Variants in FREM3 observed in about 807,000 individuals in gnomAD.
The protein encoded by FREM3 is FRAS1 related extracellular matrix 3.
A neutral mutation model predicts 129.1 loss-of-function variants in FREM3; 105 were observed. That is an observed-to-expected ratio of 0.81 (90% CI 0.69 to 0.96). The LOEUF (loss-of-function observed/expected upper bound fraction) is 0.96. FREM3 is among the 40% of genes least tolerant of loss of function. The pLI is 0.00. For missense variants in FREM3, 2,593 were observed against 2,666.3 expected, an observed-to-expected ratio of 0.97 and a Z score of 0.61; for synonymous variants, 1,014 against 1,044.9, an observed-to-expected ratio of 0.97 and a Z score of 0.57.
chr4:143,666,022 A>C (rs1355684330), intron 2 of FREM3, among the ~76,000 whole-genome samples: 1 of 152,134 alleles, frequency 6.6e-6, no homozygotes. Context: ...TTCTAAGATT[A>C]TGCAAAGTCA....
intron 3 of FREM3, 147 bp downstream of exon 3, chr4:143,627,467 C>T: frequency 1.4e-6 from 1 of 713,714 alleles, no homozygotes; most frequent in East Asian, 2.7e-5. Context: ...GGAGCAAAAA[C>T]CACGGCACAT....
At chr4:143,621,227 C>T (rs182040089) in intron 4 of FREM3, 65 bp from the exon 5 acceptor site, 2 of 1,439,940 alleles carry the variant, frequency 1.4e-6, no homozygotes, top group African/African-American at 2.8e-5. Flanking sequence ...TTAAACACAC[C>T]TGAGCAGAAA....
chr4:143,624,176 G>C lies in FREM3; in HGVS notation c.5585C>G (p.Ser1862Cys), dbSNP rs1422856915. ...ETSETFQIIL[S>C]EPLMAVLEFP... ...CTCCAGTACAGCCATGAGAGGTTCA[G>C]ACAGAATGATCTGGAAGGTCTCTGA... Residue 1862 changes from serine to cysteine, a missense_variant, in exon 4 of 8, where the codon TCT becomes TGT. By Grantham distance (112) the Ser-to-Cys change is moderately radical. Coordinates refer to ENST00000329798, the MANE Select transcript of FREM3 (RefSeq NM_001168235.2). 6.5e-7 allele frequency: 1 copy of C among 1,536,856 alleles called. No individual in the cohort carries two copies. Among genetic ancestry groups the C allele is most frequent in the African/African-American group, 1.4e-5 (1 of 73,044 alleles).
At chr4:143,640,497 C>A (rs898377140) in intron 2 of FREM3, among the ~76,000 whole-genome samples, 1 of 152,070 alleles carries the variant, frequency 6.6e-6, no homozygotes, top group South Asian at 2.1e-4. Flanking sequence ...ATGGAGAAAC[C>A]CTGTCTCTAC....
chr4:143,678,018 G>C (rs1380398936), intron 2 of FREM3, among the ~76,000 whole-genome samples: 17 of 152,174 alleles, frequency 1.1e-4, no homozygotes, highest in Non-Finnish European at 2.4e-4. Flanking sequence ...AATCCCATAT[G>C]ACCCAGCCAT....
At chr4:143,676,635 A>G (rs1740134040) in intron 2 of FREM3, among the ~76,000 whole-genome samples, 1 of 152,222 alleles carries the variant, frequency 6.6e-6, no homozygotes, top group South Asian at 2.1e-4. Context: ...TTGTATATCT[A>G]GAAAACCCCA....
At chr4:143,595,767 A>G (rs1738467078) in intron 6 of FREM3, among the ~76,000 whole-genome samples, 1 of 151,854 alleles carries the variant, frequency 6.6e-6, no homozygotes. Flanking sequence ...AGGCTCCTGT[A>G]GTCCCAGTTA....
At chr4:143,656,324 G>A (rs541147665) in intron 2 of FREM3, among the ~76,000 whole-genome samples, 72 of 152,028 alleles carry the variant, frequency 4.7e-4, no homozygotes, top group Non-Finnish European at 9.1e-4. Context: ...AAATTCCTCC[G>A]TGCAAAATTT....
At chr4:143,663,964 G>A (rs1449153292) in intron 2 of FREM3, among the ~76,000 whole-genome samples, 3 of 152,018 alleles carry the variant, frequency 2.0e-5, no homozygotes, top group Non-Finnish European at 4.4e-5. Context: ...CTCTGTATTG[G>A]TTATTCTAGT....
At chr4:143,679,716 T>C (rs1740217133) in intron 2 of FREM3, among the ~76,000 whole-genome samples, 1 of 152,202 alleles carries the variant, frequency 6.6e-6, no homozygotes, top group South Asian at 2.1e-4. Flanking sequence ...GTGAGCCTTA[T>C]CTGCTCCATT....
chr4:143,606,844 T>G (rs1738676323), intron 6 of FREM3, among the ~76,000 whole-genome samples: 1 of 152,160 alleles, frequency 6.6e-6, no homozygotes. Context: ...ACAAACAACT[T>G]AGGTAATACT....
rs1274358110 is a variant in FREM3 at position 143,577,435 on chromosome 4, T to C, written c.*176A>G. The C allele has an allele frequency of 3.3e-6, 2 of 598,874 alleles. No individual in the cohort carries two copies. Among genetic ancestry groups the C allele is most frequent in the Non-Finnish European group, 5.7e-6 (2 of 348,386 alleles). The allele number at this position is 598,874 out of a possible 1,614,324, so 37.1% of individuals were successfully genotyped here. ...GTGGGCTCAATGTTTTCTAGGTATA[T>C]ATATTTCTATCTCCATGCAGTCATA... On this transcript the variant is annotated 3_prime_UTR_variant, in exon 8 of 8. Transcript: ENST00000329798.
chr4:143,582,028 A>G (rs911660056), intron 7 of FREM3, among the ~76,000 whole-genome samples: 1 of 151,794 alleles, frequency 6.6e-6, no homozygotes, highest in Non-Finnish European at 1.5e-5. Context: ...GGCCCTCCCC[A>G]GTGCCCCAAG....
intron 6 of FREM3, among the ~76,000 whole-genome samples, chr4:143,589,377 T>C (rs1480914843): frequency 1.3e-5 from 2 of 152,086 alleles, no homozygotes; most frequent in Non-Finnish European, 2.9e-5. Flanking sequence ...GTTTCAGGTC[T>C]AACATGTAAG....
In FREM3 at chr4:143,697,052, G is replaced by A; in HGVS notation, c.3624C>T (p.Ser1208=). The A allele has an allele frequency of 6.5e-7, 1 of 1,537,542 alleles. No individual in the cohort carries two copies. Among genetic ancestry groups the A allele is most frequent in the Non-Finnish European group, 8.7e-7 (1 of 1,146,990 alleles). ...AHEFKVLEGM[S]LVIDTQLLNG... ...TAAGCAGCTGGGTGTCTATGACCAG[G>A]CTCATCCCCTCTAGTACCTTAAACT... The change falls in exon 1 of 8, where the codon AGC becomes AGT. Residue 1208 remains serine, a synonymous_variant. Transcript: ENST00000329798.
intron 2 of FREM3, among the ~76,000 whole-genome samples, chr4:143,670,145 AT>A (rs1472400619): frequency 6.6e-6 from 1 of 152,182 alleles, no homozygotes; most frequent in Non-Finnish European, 1.5e-5. Flanking sequence ...AAAATAGAGG[AT>A]AATATCTATC....
chr4:143,687,441 G>A (rs1270104592), intron 2 of FREM3, among the ~76,000 whole-genome samples: 1 of 151,686 alleles, frequency 6.6e-6, no homozygotes, highest in Non-Finnish European at 1.5e-5. Context: ...ATTCAAAGAA[G>A]AATTGGTACC....
At chr4:143,590,655 G>T (rs1370486134) in intron 6 of FREM3, among the ~76,000 whole-genome samples, 1 of 152,182 alleles carries the variant, frequency 6.6e-6, no homozygotes, top group Non-Finnish European at 1.5e-5. Context: ...TTTTATTGAG[G>T]ATTTTTGCAT....
At chr4:143,633,080 A>G (rs1233720882) in intron 2 of FREM3, among the ~76,000 whole-genome samples, 1 of 152,114 alleles carries the variant, frequency 6.6e-6, no homozygotes, top group Non-Finnish European at 1.5e-5. Context: ...TAGAGTCCAT[A>G]TTTTGGTGAG....
Sources: allele counts gnomAD v4.1 joint callset (sites outside exome capture counted in the v4.1 genomes callset), GRCh38; gene constraint gnomAD v4.1.1; transcripts MANE v1.5; gene names NCBI Gene and HGNC (gene_info 2026-07-23, HGNC 2026-07-21).